The following UPF2 variants were observed in gnomAD, a reference collection of about 807,000 sequenced individuals.
The protein encoded by UPF2 is UPF2 regulator of nonsense mediated mRNA decay, also known as regulator of nonsense transcripts 2.
A neutral mutation model predicts 141.4 loss-of-function variants in UPF2; 17 were observed. That is an observed-to-expected ratio of 0.12 (90% CI 0.08 to 0.18). UPF2 has a LOEUF of 0.18. Among genes scored for constraint, UPF2 ranks in the 10% least tolerant of loss-of-function variants. UPF2 has a pLI of 1.00. For missense variants in UPF2, 1,152 were observed against 1,515.9 expected (o/e 0.76, Z 3.99); for synonymous variants, 540 against 498.0 (o/e 1.08, Z -1.12).
intron 3 of UPF2, among the ~76,000 whole-genome samples, chr10:12,025,740 A>C (rs936392405): frequency 1.3e-5 from 2 of 152,152 alleles, no homozygotes; most frequent in African/African-American, 4.8e-5. Flanking sequence ...CAATGACTTG[A>C]ATAATAAAAT....
Position 11,999,922 on chromosome 10 carries a change from C to T in UPF2, c.1742G>A (p.Arg581Gln), listed in dbSNP as rs561216123. Residue 581 changes from arginine to glutamine, a missense_variant, in exon 7 of 22, where the codon CGA (arginine) becomes CAA (glutamine). Around this residue, in one of 4 missense-constraint regions of UPF2, gnomAD observed 739 missense variants for 1,032.2 expected, o/e 0.72. Coordinates refer to ENST00000357604, the MANE Select transcript of UPF2 (RefSeq NM_015542.4). Reference protein sequence around the residue: ...FLQQLPNCVNRDLIDKAAMDF... With the variant: ...FLQQLPNCVNQDLIDKAAMDF... Reference sequence around the variant, plus strand: ...TACCAATACCTTGTCTATCAGATCTCGGTTGACACAGTTGGGTAACTGCTG... The same window carrying T: ...TACCAATACCTTGTCTATCAGATCTTGGTTGACACAGTTGGGTAACTGCTG... 1.9e-6 allele frequency: 3 copies of T among 1,613,654 alleles called. No homozygotes were observed. The highest frequency in any genetic ancestry group is 8.5e-7 in the Non-Finnish European group (1 of 1,179,814).
chr10:11,949,584 T>C (rs1171559183), intron 15 of UPF2, among the ~76,000 whole-genome samples: 1 of 152,218 alleles, frequency 6.6e-6, no homozygotes, highest in Non-Finnish European at 1.5e-5. Context: ...AGAACTTGTC[T>C]TAAATGTTCA....
Position 11,980,962 on chromosome 10 carries a change from T to C in UPF2, c.1845-1797A>G, listed in dbSNP as rs536543324. Among the ~76,000 whole-genome samples the C allele has an allele frequency of 2.6e-5, 4 of 151,710 alleles. No homozygotes were observed. The South Asian group carries it at 6.3e-4, about 24-fold the overall frequency. ...CAGCACTTTGGCAGGCTGAGACAGG[T>C]GGATCACCTGAGGTGAGGAGTTCAA... On this transcript the variant is annotated intron_variant, in intron 8 of 21. Transcript: ENST00000357604. The surrounding 1 kb of genome is among the most constrained non-coding windows in gnomAD (Gnocchi z 4.2).
chr10:11,961,421 C>T (rs1245906354), intron 11 of UPF2, among the ~76,000 whole-genome samples: 2 of 151,562 alleles, frequency 1.3e-5, no homozygotes, highest in Non-Finnish European at 2.9e-5. Flanking sequence ...GGGAAGAGCA[C>T]GCATGCAGAG....
At chr10:11,994,557 G>A (rs1448121996) in intron 8 of UPF2, among the ~76,000 whole-genome samples, 1 of 152,124 alleles carries the variant, frequency 6.6e-6, no homozygotes, top group African/African-American at 2.4e-5. Context: ...TGGATTTTGA[G>A]CTATAGAGCC....
At chr10:12,033,844 CG>C (rs1284508481) in intron 2 of UPF2, among the ~76,000 whole-genome samples, 2 of 151,996 alleles carry the variant, frequency 1.3e-5, no homozygotes, top group Non-Finnish European at 2.9e-5. Context: ...CCACCATGCC[CG>C]GCCTAATAAG....
In UPF2 at chr10:12,029,338, T is replaced by C. The variant is rs557907713; in HGVS notation, c.552A>G (p.Gln184=). 3 of 1,614,202 alleles carry C rather than the reference T, an allele frequency of 1.9e-6. No homozygotes were observed. The highest frequency in any genetic ancestry group is 1.3e-5 in the African/African-American group (1 of 75,056). Residue 184 remains glutamine, a synonymous_variant, in exon 3 of 22, where the codon CAA becomes CAG. Transcript: ENST00000357604. ...FVKKLKTITE[Q]QRDSLSHDFN... Reference sequence around the variant, plus strand: ...AATCATGGGACAAGGAGTCTCTCTGTTGTTCTGTAATAGTTTTTAGTTTCT... The same window carrying C: ...AATCATGGGACAAGGAGTCTCTCTGCTGTTCTGTAATAGTTTTTAGTTTCT...
At chr10:11,999,557 G>T (rs140730229) in intron 7 of UPF2, among the ~76,000 whole-genome samples, 2,082 of 146,488 alleles carry the variant, frequency 0.014, 20 homozygotes, top group Non-Finnish European at 0.02. Context: ...AAAAAACTTA[G>T]TATTATCATC....
At chr10:11,988,832 C>T (rs1833736194) in intron 8 of UPF2, among the ~76,000 whole-genome samples, 1 of 152,174 alleles carries the variant, frequency 6.6e-6, no homozygotes, top group Non-Finnish European at 1.5e-5. Context: ...TATCTCCTCG[C>T]TTGAGGGCTA....
At chr10:12,008,804 G>A (rs187698016) in intron 4 of UPF2, among the ~76,000 whole-genome samples, 8 of 151,842 alleles carry the variant, frequency 5.3e-5, no homozygotes, top group Admixed American at 2.6e-4. Flanking sequence ...TTTAAGTCCC[G>A]CATGCATTAG....
At chr10:12,009,825 T>C (rs992930845) in intron 4 of UPF2, among the ~76,000 whole-genome samples, 1 of 152,196 alleles carries the variant, frequency 6.6e-6, no homozygotes, top group African/African-American at 2.4e-5. Flanking sequence ...CAGAGTCTCC[T>C]TGAACATTCA....
Position 11,924,067 on chromosome 10 carries a change from C to T in UPF2, c.3810-2760G>A, listed in dbSNP as rs370940974. On this transcript the variant is annotated intron_variant, in intron 21 of 21. Transcript: ENST00000357604. ...TGTTAAGTTTCACAGATTTTCAATA[C>T]TAGTGTATTAGAAAAACAACCTTGT... Among the ~76,000 whole-genome samples the T allele has an allele frequency of 3.3e-5, 5 of 152,154 alleles. No homozygotes were observed. In the East Asian group the frequency reaches 9.6e-4, roughly 29 times the overall value.
intron 8 of UPF2, among the ~76,000 whole-genome samples, chr10:11,983,708 T>C (rs189653298): frequency 2.0e-5 from 3 of 152,112 alleles, no homozygotes; most frequent in Admixed American, 6.6e-5. Context: ...GTATTAAATA[T>C]GATTTGCTAG....
chr10:12,009,652 G>T (rs1834094865), intron 4 of UPF2, among the ~76,000 whole-genome samples: 1 of 152,186 alleles, frequency 6.6e-6, no homozygotes, highest in Non-Finnish European at 1.5e-5. Flanking sequence ...TTCATAAAGA[G>T]ATTTTTCCAG....
In UPF2 at chr10:12,017,858, C is replaced by T. The variant is rs578197328; in HGVS notation, c.1146-3674G>A. On this transcript the variant is annotated intron_variant, in intron 3 of 21. Coordinates refer to ENST00000357604, the MANE Select transcript of UPF2 (RefSeq NM_015542.4). ...GCTGCACCCATCAACCTGTCATCTACGTTAGGTATTTCTCCTAATGTTATC... is the reference window on the plus strand; with the variant it reads ...GCTGCACCCATCAACCTGTCATCTATGTTAGGTATTTCTCCTAATGTTATC... Among the ~76,000 whole-genome samples, 491 of 152,276 alleles carry T rather than the reference C, an allele frequency of 3.2e-3. 3 individuals carry two copies. Among genetic ancestry groups the T allele is most frequent in the South Asian group, 7.2e-3 (35 of 4,830 alleles).
intron 9 of UPF2, among the ~76,000 whole-genome samples, chr10:11,973,703 G>A (rs1291180131): frequency 1.3e-5 from 2 of 152,062 alleles, no homozygotes; most frequent in African/African-American, 4.8e-5. Flanking sequence ...GTAGATGTGT[G>A]GTATTATTTC....
intron 2 of UPF2, among the ~76,000 whole-genome samples, chr10:12,030,541 A>AC (rs1834500271): frequency 7.6e-6 from 1 of 130,816 alleles, no homozygotes; most frequent in Non-Finnish European, 1.7e-5. Context: ...CTCTGCCTCA[A>AC]AAAATAATAA....
At chr10:11,955,559 A>C in intron 13 of UPF2, 52 bp from the exon 14 acceptor site, 3 of 1,519,906 alleles carry the variant, frequency 2.0e-6, no homozygotes, top group Non-Finnish European at 2.6e-6. Context: ...AGTGTATATG[A>C]AAACAGGTTA....
intron 18 of UPF2, among the ~76,000 whole-genome samples, chr10:11,938,868 T>TTGTTTTTTTTTTG (rs1832896411): frequency 9.9e-5 from 9 of 90,854 alleles, no homozygotes; most frequent in Admixed American, 1.2e-4. Context: ...TTTTTTTTTT[T>TTGTTTTTTTTTTG]TTTTTTTTTT....
Sources: allele counts gnomAD v4.1 joint callset (sites outside exome capture counted in the v4.1 genomes callset), GRCh38; gene constraint gnomAD v4.1.1; regional missense constraint gnomAD v4.1.1; non-coding constraint Gnocchi (gnomAD v3.1); transcripts MANE v1.5; gene names NCBI Gene and HGNC (gene_info 2026-07-23, HGNC 2026-07-21).